Variants in EGFLAM observed in about 807,000 individuals in gnomAD.
EGFLAM encodes the protein EGF like, fibronectin type III and laminin G domains.
In EGFLAM, 79 loss-of-function variants were observed where a neutral mutation model predicts 113.1. The observed-to-expected ratio is 0.70, with a 90% CI of 0.58 to 0.84. EGFLAM has a LOEUF of 0.84. Among genes scored for constraint, EGFLAM ranks in the 40% least tolerant of loss-of-function variants. The probability of loss-of-function intolerance (pLI) is 0.00; values close to 1 mark genes in which losing one functional copy is unlikely to be tolerated. For missense variants in EGFLAM, 1,265 were observed against 1,291.6 expected (o/e 0.98, Z 0.32); for synonymous variants, 504 against 487.6 (o/e 1.03, Z -0.44).
chr5:38,345,219 T>G (rs889990343), intron 3 of EGFLAM: 1 of 152,218 alleles, frequency 6.6e-6, no homozygotes, highest in East Asian at 1.9e-4. Context: ...TCTCATTGTC[T>G]GTAAAATGGA....
chr5:38,408,029 C>G, intron 9 of EGFLAM, 124 bp downstream of exon 9: 1 of 668,600 alleles, frequency 1.5e-6, no homozygotes, highest in Non-Finnish European at 2.6e-6. Context: ...AAATATGACA[C>G]AGAGCCTGTC....
intron 1 of EGFLAM, 150 bp downstream of exon 1, chr5:38,259,001 C>A: frequency 1.2e-6 from 1 of 837,874 alleles, no homozygotes; most frequent in South Asian, 1.9e-5. Context: ...TGAGAAAAGA[C>A]GCAAACCTCG....
intron 14 of EGFLAM, among the ~76,000 whole-genome samples, chr5:38,428,787 A>T (rs879548523): frequency 3.0e-4 from 45 of 152,110 alleles, no homozygotes; most frequent in Non-Finnish European, 6.0e-4. Flanking sequence ...CTTATTTTTG[A>T]CACGAGGTGC....
chr5:38,421,225 T>C (rs1008098288), intron 12 of EGFLAM, among the ~76,000 whole-genome samples: 1 of 152,254 alleles, frequency 6.6e-6, no homozygotes, highest in Non-Finnish European at 1.5e-5. Context: ...CTTCATATCC[T>C]GTCTTTCGTT....
At chr5:38,453,545 A>G (rs1465146450) in intron 19 of EGFLAM, among the ~76,000 whole-genome samples, 1 of 152,138 alleles carries the variant, frequency 6.6e-6, no homozygotes, top group Admixed American at 6.5e-5. Context: ...GGAGACTCAT[A>G]TGTAGTTGAG....
At chr5:38,332,916 GT>G (rs1446971833) in intron 1 of EGFLAM, among the ~76,000 whole-genome samples, 2 of 152,212 alleles carry the variant, frequency 1.3e-5, no homozygotes, top group African/African-American at 4.8e-5. Flanking sequence ...CAGAGATTTT[GT>G]TTATGGCCGG....
At chr5:38,459,261 TCC>T (rs1314377601) in intron 20 of EGFLAM, among the ~76,000 whole-genome samples, 1 of 151,392 alleles carries the variant, frequency 6.6e-6, no homozygotes, top group African/African-American at 2.4e-5. Context: ...CACCTTGGCC[TCC>T]CAAAGTGTTG....
chr5:38,423,813 C>G (rs1741913429), intron 12 of EGFLAM, among the ~76,000 whole-genome samples: 2 of 152,176 alleles, frequency 1.3e-5, no homozygotes, highest in African/African-American at 4.8e-5. Context: ...TGTTAGCAGT[C>G]CCTGAAGTCA....
chr5:38,338,324 G>A (rs368361695), intron 2 of EGFLAM, among the ~76,000 whole-genome samples: 55 of 152,236 alleles, frequency 3.6e-4, no homozygotes, highest in East Asian at 1.4e-3. Flanking sequence ...GACAGTAGCC[G>A]TTGATCATGG....
At chr5:38,381,522 C>A (rs1026881180) in intron 6 of EGFLAM, among the ~76,000 whole-genome samples, 1 of 151,986 alleles carries the variant, frequency 6.6e-6, no homozygotes, top group Non-Finnish European at 1.5e-5. Flanking sequence ...GCTCCTGGCA[C>A]GAAATAGAGG....
At chr5:38,374,578 T>C (rs1188405831) in intron 6 of EGFLAM, among the ~76,000 whole-genome samples, 1 of 152,170 alleles carries the variant, frequency 6.6e-6, no homozygotes, top group Admixed American at 6.5e-5. Context: ...TTTTAGGTAT[T>C]ACAATAGTGA....
chr5:38,400,646 A>T (rs1477636496), intron 6 of EGFLAM, among the ~76,000 whole-genome samples: 1 of 152,186 alleles, frequency 6.6e-6, no homozygotes, highest in Middle Eastern at 3.2e-3. Flanking sequence ...TTCTTCCATC[A>T]TGCTGTGACT....
intron 14 of EGFLAM, among the ~76,000 whole-genome samples, chr5:38,428,944 C>T (rs1742101447): frequency 6.6e-6 from 1 of 152,200 alleles, no homozygotes; most frequent in Non-Finnish European, 1.5e-5. Flanking sequence ...CTTATCCTAT[C>T]CCCTCCTGAG....
At position 38,412,519 on chromosome 5, in the gene EGFLAM, TG is replaced by T; in HGVS notation, c.1369del (p.Val457LeufsTer5). The T allele has an allele frequency of 6.2e-7, 1 of 1,614,166 alleles. No individual in the cohort carries two copies. The highest frequency in any genetic ancestry group is 8.5e-7 in the Non-Finnish European group (1 of 1,180,024). The stretch of plus-strand genomic sequence containing the variant: ...TCCCCAACAGGTTTAATTGTGGAAC[TG>T]GGGTTGCCATCATCGTAAGTGAGAC... ...SLQFRFNCGTGVAIIVSETKI... is the reference protein window; with the variant it reads ...SLQFRFNCGTXVAIIVSETKI... On this transcript the variant is annotated frameshift_variant, in exon 11 of 22. Transcript: ENST00000322350. LOFTEE classifies it high-confidence loss of function.
chr5:38,415,338 G>A (rs1446237921), intron 11 of EGFLAM, among the ~76,000 whole-genome samples: 1 of 150,512 alleles, frequency 6.6e-6, no homozygotes, highest in Non-Finnish European at 1.5e-5. Flanking sequence ...ACTCCATCCT[G>A]GGCTGCAGAG....
chr5:38,452,214 G>T (rs1371942066), intron 19 of EGFLAM, among the ~76,000 whole-genome samples: 1 of 151,738 alleles, frequency 6.6e-6, no homozygotes, highest in East Asian at 2.0e-4. Context: ...TGTATTTTTT[G>T]TACAGACGGG....
At chr5:38,388,759 CA>C (rs35458918) in intron 6 of EGFLAM, among the ~76,000 whole-genome samples, 12,991 of 100,982 alleles carry the variant, frequency 0.13, 2,386 homozygotes, top group African/African-American at 0.39. Context: ...GACTCTGTCA[CA>C]AAAAAAAAAA....
chr5:38,355,771 A>G (rs902089000), intron 5 of EGFLAM, among the ~76,000 whole-genome samples: 1 of 152,104 alleles, frequency 6.6e-6, no homozygotes, highest in East Asian at 1.9e-4. Context: ...TCATATGTAT[A>G]TATTTTGAGG....
chr5:38,341,914 G>GTT (rs11296362), intron 3 of EGFLAM, among the ~76,000 whole-genome samples: 5 of 142,738 alleles, frequency 3.5e-5, no homozygotes, highest in East Asian at 2.0e-4. Context: ...ACTCATGCAA[G>GTT]TTTTTTTTTT....
Sources: gnomAD v4.1 joint callset for allele counts (sites outside exome capture counted in the v4.1 genomes callset) on GRCh38, gnomAD v4.1.1 for gene constraint, MANE v1.5 for transcripts, NCBI Gene and HGNC (gene_info 2026-07-23, HGNC 2026-07-21) for gene names.